The following KCTD3 variants were observed in gnomAD, a reference collection of about 807,000 sequenced individuals.
KCTD3 encodes the protein potassium channel tetramerization domain containing 3.
KCTD3 carries 41 observed loss-of-function variants against 85.8 expected under a neutral mutation model. The ratio of observed to expected loss-of-function variants is 0.48; its 90% CI spans 0.37 to 0.62. The LOEUF (loss-of-function observed/expected upper bound fraction) is 0.62. KCTD3 is among the 20% of genes least tolerant of loss of function. The probability of loss-of-function intolerance (pLI) is 0.00; values close to 1 mark genes in which losing one functional copy is unlikely to be tolerated. For synonymous variants in KCTD3, 338 were observed against 345.4 expected, an observed-to-expected ratio of 0.98 and a Z score of 0.24; for missense variants, 724 against 989.9, an observed-to-expected ratio of 0.73 and a Z score of 3.60.
intron 3 of KCTD3, among the ~76,000 whole-genome samples, chr1:215,574,966 T>C (rs1246168861): frequency 6.6e-6 from 1 of 152,192 alleles, no homozygotes; most frequent in Non-Finnish European, 1.5e-5. Context: ...AGTTATCAAT[T>C]ATGGGCTGGG....
Position 215,604,192 on chromosome 1 carries a change from T to C in KCTD3, c.1199T>C (p.Ile400Thr), listed in dbSNP as rs1392229472. ...YGTSSGAVRV[I>T]VQHPETVGSG... Reference sequence around the variant, plus strand: ...ACGAGCTCTGGAGCAGTACGAGTGATTGTACAACACCCAGAGACAGTTGGG... The same window carrying C: ...ACGAGCTCTGGAGCAGTACGAGTGACTGTACAACACCCAGAGACAGTTGGG... The change falls in exon 13 of 18, where the codon ATT (isoleucine) becomes ACT (threonine). Residue 400 changes from isoleucine to threonine, a missense_variant. Transcript: ENST00000259154. 6.2e-7 allele frequency: 1 copy of C among 1,613,706 alleles called. No individual in the cohort carries two copies. The highest frequency in any genetic ancestry group is 8.5e-7 in the Non-Finnish European group (1 of 1,179,794).
At chr1:215,612,620 TG>T (rs1356613147) in intron 15 of KCTD3, among the ~76,000 whole-genome samples, 12 of 152,238 alleles carry the variant, frequency 7.9e-5, no homozygotes, top group Non-Finnish European at 1.5e-4. Flanking sequence ...GTGAATTTGC[TG>T]GCAGACGGCT....
At chr1:215,615,899 G>A (rs79654782) in intron 15 of KCTD3, among the ~76,000 whole-genome samples, 2,611 of 152,264 alleles carry the variant, frequency 0.017, 78 homozygotes, top group African/African-American at 0.059. Flanking sequence ...TAAGTTAACA[G>A]AAATAGACTG....
chr1:215,569,719 G>T (rs571929446), intron 1 of KCTD3, among the ~76,000 whole-genome samples: 43 of 151,732 alleles, frequency 2.8e-4, no homozygotes, highest in African/African-American at 1.0e-3. Context: ...TCTCAGCCTG[G>T]CACTGTGACA....
chr1:215,588,897 C>G (rs1005655228), intron 9 of KCTD3, among the ~76,000 whole-genome samples: 1 of 152,146 alleles, frequency 6.6e-6, no homozygotes, highest in African/African-American at 2.4e-5. Flanking sequence ...TGAAAAGTTA[C>G]CATGTTATTT....
At chr1:215,568,452 GCTCTT>G (rs1009704519) in intron 1 of KCTD3, among the ~76,000 whole-genome samples, 18 of 125,580 alleles carry the variant, frequency 1.4e-4, no homozygotes, top group Non-Finnish European at 2.2e-4. Flanking sequence ...CAGACTGAAT[GCTCTT>G]CTCTGTCTGT....
At position 215,620,646 on chromosome 1, in the gene KCTD3, G is replaced by C; in HGVS notation, c.*28G>C. The stretch of plus-strand genomic sequence containing the variant: ...ACTCACCAAAATGAATAGTTGTTTC[G>C]TTACATTTAGATGAAAGTTAAACTT... On this transcript the variant is annotated 3_prime_UTR_variant, in exon 18 of 18. Transcript: ENST00000259154. The C allele has an allele frequency of 6.9e-7, 1 of 1,444,080 alleles. No homozygotes were observed. The highest frequency in any genetic ancestry group is 9.4e-7 in the Non-Finnish European group (1 of 1,063,460). The allele number at this position is 1,444,080 out of a possible 1,614,324, so 89.5% of individuals were successfully genotyped here.
At chr1:215,578,254 A>T (rs761279951) in intron 6 of KCTD3, among the ~76,000 whole-genome samples, 173 bp downstream of exon 6, 33 of 152,242 alleles carry the variant, frequency 2.2e-4, no homozygotes, top group Non-Finnish European at 3.8e-4. Context: ...ATATTGGAGC[A>T]GGGGTTTGGC....
At position 215,620,057 on chromosome 1, in the gene KCTD3, C is replaced by G; in HGVS notation, c.1887C>G (p.Ser629Arg). 6.4e-7 allele frequency: 1 copy of G among 1,562,186 alleles called. No individual in the cohort carries two copies. Among genetic ancestry groups the G allele is most frequent in the Admixed American group, 2.1e-5 (1 of 47,730 alleles). The change falls in exon 18 of 18, where the codon AGC becomes AGG. Residue 629 changes from serine (S) to arginine (R), a missense_variant and splice_region_variant. This residue lies in a region of KCTD3 where 222 missense variants were observed against 217.7 expected (regional missense o/e 1.02). Coordinates refer to ENST00000259154, the MANE Select transcript of KCTD3 (RefSeq NM_016121.5). ...QHSHLRESNS[S>R]LQLQHHDTTH... ...GTCATTTTTAAAAACTGTATTTCAGCCTTCAGCTTCAGCACCATGATACCA... is the reference window on the plus strand; with the variant it reads ...GTCATTTTTAAAAACTGTATTTCAGGCTTCAGCTTCAGCACCATGATACCA...
chr1:215,578,716 A>C (rs376900676), intron 6 of KCTD3, among the ~76,000 whole-genome samples: 6 of 152,328 alleles, frequency 3.9e-5, no homozygotes, highest in East Asian at 1.9e-4. Flanking sequence ...AGTGGCTGGC[A>C]GACTGAATTA....
chr1:215,604,027 C>A, intron 12 of KCTD3, 105 bp from the exon 13 acceptor site: 2 of 790,146 alleles, frequency 2.5e-6, no homozygotes, highest in Non-Finnish European at 4.0e-6. Context: ...CTGATATAAA[C>A]AGTGAATCCA....
At chr1:215,568,699 A>G (rs1659250999) in intron 1 of KCTD3, among the ~76,000 whole-genome samples, 1 of 152,162 alleles carries the variant, frequency 6.6e-6, no homozygotes, top group South Asian at 2.1e-4. Flanking sequence ...GTGCTTGAGA[A>G]TATGATTTTC....
intron 1 of KCTD3, 78 bp downstream of exon 1, chr1:215,567,846 C>A: frequency 2.0e-6 from 2 of 1,014,498 alleles, no homozygotes; most frequent in South Asian, 5.0e-5. Flanking sequence ...GACCGAGAGT[C>A]GCAGGAACGA....
At chr1:215,567,895 G>A (rs1659202656) in intron 1 of KCTD3, 127 bp downstream of exon 1, 2 of 566,964 alleles carry the variant, frequency 3.5e-6, no homozygotes, top group Non-Finnish European at 5.2e-6. Context: ...GGGAACGTGG[G>A]GGCCTCCAGG....
intron 14 of KCTD3, among the ~76,000 whole-genome samples, chr1:215,610,633 A>C (rs1412449730): frequency 6.6e-6 from 1 of 151,976 alleles, no homozygotes; most frequent in African/African-American, 2.4e-5. Flanking sequence ...TCATTTTAAT[A>C]AAATTAGAGA....
At chr1:215,611,191 A>C (rs1020340150) in intron 14 of KCTD3, among the ~76,000 whole-genome samples, 6 of 152,050 alleles carry the variant, frequency 3.9e-5, no homozygotes, top group Admixed American at 6.5e-5. Flanking sequence ...AAATAATTGA[A>C]TCTTTCCTTT....
Position 215,579,973 on chromosome 1 carries a change from A to G in KCTD3, c.600A>G (p.Ala200=). ...VAGHHNWIVA[A]YAHFAVCYRI... Reference sequence around the variant, plus strand: ...GCCATCACAACTGGATTGTAGCTGCATATGCCCATTTTGCTGTGTGTTACA... The same window carrying G: ...GCCATCACAACTGGATTGTAGCTGCGTATGCCCATTTTGCTGTGTGTTACA... Residue 200 remains alanine (A), a synonymous_variant, in exon 8 of 18, where the codon GCA becomes GCG. Coordinates refer to ENST00000259154, the MANE Select transcript of KCTD3 (RefSeq NM_016121.5). 6.2e-7 allele frequency: 1 copy of G among 1,611,830 alleles called. No individual in the cohort carries two copies. The highest frequency in any genetic ancestry group is 8.5e-7 in the Non-Finnish European group (1 of 1,177,874).
At position 215,620,539 on chromosome 1, in the gene KCTD3, C is replaced by A; in HGVS notation, c.2369C>A (p.Ala790Glu). The change falls in exon 18 of 18, where the codon GCG becomes GAG. Residue 790 changes from alanine to glutamate, a missense_variant. This residue lies in a region of KCTD3 where 222 missense variants were observed against 217.7 expected (regional missense o/e 1.02). Coordinates refer to ENST00000259154, the MANE Select transcript of KCTD3 (RefSeq NM_016121.5). ...GGAGGAACTGACTCACCTGGTACTG[C>A]GTCCCCATCTCCTACAAAGACTACT... Reference protein sequence around the residue: ...SDGGTDSPGTASPSPTKTTPS... With the variant: ...SDGGTDSPGTESPSPTKTTPS... The A allele has an allele frequency of 6.2e-7, 1 of 1,613,620 alleles. No homozygotes were observed. Among genetic ancestry groups the A allele is most frequent in the Non-Finnish European group, 8.5e-7 (1 of 1,179,652 alleles).
At chr1:215,581,844 T>G (rs1401378291) in intron 8 of KCTD3, among the ~76,000 whole-genome samples, 1 of 152,246 alleles carries the variant, frequency 6.6e-6, no homozygotes, top group East Asian at 1.9e-4. Flanking sequence ...AGAAAAATAT[T>G]TAAACTGTTT....
Sources: allele counts gnomAD v4.1 joint callset (sites outside exome capture counted in the v4.1 genomes callset), GRCh38; gene constraint gnomAD v4.1.1; regional missense constraint gnomAD v4.1.1; transcripts MANE v1.5; gene names NCBI Gene and HGNC (gene_info 2026-07-23, HGNC 2026-07-21).